The following CLEC16A variants were observed in gnomAD, a reference collection of about 807,000 sequenced individuals.
CLEC16A encodes C-type lectin domain containing 16A.
CLEC16A carries 51 observed loss-of-function variants against 109.5 expected under a neutral mutation model. The ratio of observed to expected loss-of-function variants is 0.47; its 90% CI spans 0.37 to 0.59. The LOEUF is 0.59. CLEC16A is among the 20% of genes least tolerant of loss of function. The pLI, the probability that CLEC16A is intolerant of heterozygous loss-of-function variation, is 0.00. For missense variants in CLEC16A, 1,339 were observed against 1,394.0 expected (o/e 0.96, Z 0.63); for synonymous variants, 673 against 564.2 (o/e 1.19, Z -2.73).
intron 12 of CLEC16A, among the ~76,000 whole-genome samples, chr16:11,022,130 T>A (rs1261281960): frequency 6.6e-5 from 10 of 152,116 alleles, no homozygotes; most frequent in Non-Finnish European, 7.4e-5. Flanking sequence ...TTGCCTTGAG[T>A]TAGGCCGCAT....
intron 10 of CLEC16A, among the ~76,000 whole-genome samples, chr16:10,988,051 A>G (rs1330439281): frequency 6.6e-6 from 1 of 152,256 alleles, no homozygotes; most frequent in Non-Finnish European, 1.5e-5. Flanking sequence ...GGTTCCTGCT[A>G]AAGGCTAATT....
chr16:11,039,995 A>C lies in CLEC16A; in HGVS notation c.1660+119A>C, dbSNP rs1452691010. ...CTTCTGAGAATCCGGGCCCATCCCAACCTCTCCCTCTGCCTCTCAACCCCT... is the reference window on the plus strand; with the variant it reads ...CTTCTGAGAATCCGGGCCCATCCCACCCTCTCCCTCTGCCTCTCAACCCCT... On this transcript the variant is annotated intron_variant, in intron 14 of 23. Coordinates refer to ENST00000409790, the MANE Select transcript of CLEC16A (RefSeq NM_015226.3). The C allele has an allele frequency of 5.6e-6, 7 of 1,254,924 alleles. No individual in the cohort carries two copies. In the South Asian group the frequency reaches 6.4e-5, roughly 11 times the overall value. The allele number at this position is 1,254,924 out of a possible 1,614,324, so 77.7% of individuals were successfully genotyped here.
At chr16:11,041,759 G>C (rs2047348792) in intron 14 of CLEC16A, 1 of 153,608 alleles carries the variant, frequency 6.5e-6, no homozygotes, top group Non-Finnish European at 1.4e-5. Flanking sequence ...AGTTCCAGCA[G>C]ATTGTGAGGT....
intron 22 of CLEC16A, among the ~76,000 whole-genome samples, chr16:11,144,152 T>C (rs2053956840): frequency 6.6e-6 from 1 of 152,180 alleles, no homozygotes; most frequent in African/African-American, 2.4e-5. Flanking sequence ...AGCTACCTTA[T>C]CCACCTTAGA....
rs1346343805 is a variant in CLEC16A, at chr16:10,966,831, C to T, written c.344-2330C>T. Among the ~76,000 whole-genome samples the T allele has an allele frequency of 5.3e-5, 8 of 152,260 alleles. No homozygotes were observed. The East Asian group carries it at 1.2e-3, about 22-fold the overall frequency. On this transcript the variant is annotated intron_variant, in intron 3 of 23. Transcript: ENST00000409790. ...TCTCCACCTGATCCCTCCCACAACA[C>T]GTGGGGATTATGGGAACTACAATTC... is the stretch of plus-strand genomic sequence containing the variant.
intron 22 of CLEC16A, among the ~76,000 whole-genome samples, chr16:11,132,920 G>A (rs141934372): frequency 1.1e-3 from 171 of 152,278 alleles, no homozygotes; most frequent in African/African-American, 3.8e-3. Context: ...CCAACAGACT[G>A]TAAACCCCTA....
At chr16:11,085,896 A>G (rs2049984532) in intron 19 of CLEC16A, among the ~76,000 whole-genome samples, 1 of 152,118 alleles carries the variant, frequency 6.6e-6, no homozygotes, top group South Asian at 2.1e-4. Flanking sequence ...CTGGCCGGGA[A>G]TCCCATTTCA....
In CLEC16A at chr16:10,991,101, A is replaced by AG. The variant is rs538044723; in HGVS notation, c.1071+8112dup. Among the ~76,000 whole-genome samples, 130 of 152,328 alleles carry AG rather than the reference A, an allele frequency of 8.5e-4. 1 individual carries two copies. The highest frequency in any genetic ancestry group is 3.0e-3 in the African/African-American group (125 of 41,576). On this transcript the variant is annotated intron_variant, in intron 10 of 23. Coordinates refer to ENST00000409790, the MANE Select transcript of CLEC16A (RefSeq NM_015226.3). ...ACTTGGGTCTCATGCAGAGAGACAG[A>AG]GGAACAATAAAGCAAATAGTAACAT...
chr16:11,012,359 G>A (rs143744054), intron 11 of CLEC16A, among the ~76,000 whole-genome samples: 5 of 152,166 alleles, frequency 3.3e-5, no homozygotes, highest in African/African-American at 1.2e-4. Flanking sequence ...GCTTTGGGAG[G>A]CCGAGGTGGG....
intron 22 of CLEC16A, among the ~76,000 whole-genome samples, chr16:11,159,445 A>G (rs563155780): frequency 7.8e-4 from 119 of 152,372 alleles, no homozygotes; most frequent in Middle Eastern, 3.4e-3. Flanking sequence ...TAGGATCCAC[A>G]GAAGTGTCTA....
chr16:11,161,691 A>G (rs2054726713), intron 22 of CLEC16A, among the ~76,000 whole-genome samples: 1 of 152,256 alleles, frequency 6.6e-6, no homozygotes, highest in South Asian at 2.1e-4. Context: ...GCAAGTTGCA[A>G]GAGCAGGGAC....
At chr16:11,051,714 G>A in intron 18 of CLEC16A, 73 bp downstream of exon 18, 6 of 1,573,718 alleles carry the variant, frequency 3.8e-6, no homozygotes, top group Non-Finnish European at 5.2e-6. Context: ...GGGAGGAAAG[G>A]GCTTCTTTGT....
intron 1 of CLEC16A, 55 bp from the exon 2 acceptor site, chr16:10,957,727 T>G: frequency 6.3e-7 from 1 of 1,592,598 alleles, no homozygotes; most frequent in South Asian, 1.1e-5. Context: ...GTCATGGAAC[T>G]TGGCTTGCAT....
chr16:10,993,908 G>C (rs1341445340), intron 10 of CLEC16A, among the ~76,000 whole-genome samples: 1 of 152,220 alleles, frequency 6.6e-6, no homozygotes, highest in Admixed American at 6.5e-5. Flanking sequence ...AAGGTGACCT[G>C]GGATGGGGAA....
intron 19 of CLEC16A, among the ~76,000 whole-genome samples, chr16:11,112,961 C>G (rs1181156638): frequency 6.6e-6 from 1 of 152,208 alleles, no homozygotes; most frequent in Non-Finnish European, 1.5e-5. Context: ...TGGTGGGGGC[C>G]AAGCCTCATT....
chr16:11,027,679 A>C lies in CLEC16A; in HGVS notation c.1537+2758A>C, dbSNP rs571779691. The C allele has an allele frequency of 2.4e-4, 371 of 1,574,478 alleles. 2 individuals are homozygous for C. The African/African-American group carries it at 4.7e-3, about 20-fold the overall frequency. Reference sequence around the variant, plus strand: ...CTCTCAGTGGCCCATCATGCTACCAAAAATAGAGTGGGCTTCCTCAAGGAG... The same window carrying C: ...CTCTCAGTGGCCCATCATGCTACCACAAATAGAGTGGGCTTCCTCAAGGAG... On this transcript the variant is annotated intron_variant, in intron 13 of 23. Transcript: ENST00000409790.
intron 23 of CLEC16A, among the ~76,000 whole-genome samples, chr16:11,177,243 A>T (rs2068784732): frequency 6.6e-6 from 1 of 152,218 alleles, no homozygotes; most frequent in South Asian, 2.1e-4. Flanking sequence ...TTCCAGCTGC[A>T]TCTGGTGTTT....
chr16:11,036,794 C>T lies in CLEC16A; in HGVS notation c.1538-2960C>T, dbSNP rs548337576. Among the ~76,000 whole-genome samples the T allele has an allele frequency of 5.9e-5, 9 of 152,186 alleles. No homozygotes were observed. The South Asian group carries it at 1.9e-3, about 32-fold the overall frequency. ...AAACTCCTGACCTCAGGCGATCTGCCCACCTTGGCCTCCCAAAGTGCTGGT... is the reference window on the plus strand; with the variant it reads ...AAACTCCTGACCTCAGGCGATCTGCTCACCTTGGCCTCCCAAAGTGCTGGT... On this transcript the variant is annotated intron_variant, in intron 13 of 23. Coordinates refer to ENST00000409790, the MANE Select transcript of CLEC16A (RefSeq NM_015226.3).
chr16:11,108,680 A>T (rs1419996746), intron 19 of CLEC16A, among the ~76,000 whole-genome samples: 1 of 152,154 alleles, frequency 6.6e-6, no homozygotes, highest in African/African-American at 2.4e-5. Context: ...AGTTTGTGTC[A>T]TTGGGGAAGT....
Sources: gnomAD v4.1 joint callset for allele counts (sites outside exome capture counted in the v4.1 genomes callset) on GRCh38, gnomAD v4.1.1 for gene constraint, MANE v1.5 for transcripts, NCBI Gene and HGNC (gene_info 2026-07-23, HGNC 2026-07-21) for gene names.